The following GALNT10 variants were observed in gnomAD, a reference collection of about 807,000 sequenced individuals.
GALNT10 encodes polypeptide N-acetylgalactosaminyltransferase 10, also known as GalNAc transferase 10.
Under a neutral mutation model 75.0 loss-of-function variants are expected in GALNT10, and 41 were observed. The ratio of observed to expected loss-of-function variants is 0.55; its 90% CI spans 0.43 to 0.71. GALNT10 has a LOEUF of 0.71. GALNT10 is among the 30% of genes least tolerant of loss of function. The pLI, the probability that GALNT10 is intolerant of heterozygous loss-of-function variation, is 0.00. For synonymous variants in GALNT10, 302 were observed against 313.0 expected (o/e 0.96, Z 0.37); for missense variants, 727 against 818.5 (o/e 0.89, Z 1.36).
At chr5:154,241,676 C>G (rs1354963384) in intron 1 of GALNT10, among the ~76,000 whole-genome samples, 1 of 152,144 alleles carries the variant, frequency 6.6e-6, no homozygotes, top group Non-Finnish European at 1.5e-5. Flanking sequence ...TGTGCCTCAT[C>G]ATTTAAAAAT....
intron 1 of GALNT10, among the ~76,000 whole-genome samples, chr5:154,254,511 T>C (rs1298674003): frequency 7.0e-6 from 1 of 142,612 alleles, no homozygotes; most frequent in African/African-American, 2.6e-5. Context: ...ATTTCTTTTC[T>C]TTTTTTTTTT....
chr5:154,364,343 T>A (rs1755442995), intron 4 of GALNT10, among the ~76,000 whole-genome samples: 1 of 152,098 alleles, frequency 6.6e-6, no homozygotes, highest in Non-Finnish European at 1.5e-5. Context: ...GTAGTGTGAA[T>A]GAGATGAGAG....
At chr5:154,343,254 CAA>C (rs1755062761) in intron 4 of GALNT10, among the ~76,000 whole-genome samples, 1 of 151,928 alleles carries the variant, frequency 6.6e-6, no homozygotes, top group South Asian at 2.1e-4. Context: ...TAGAAGCTCT[CAA>C]GAGATATTTG....
intron 3 of GALNT10, among the ~76,000 whole-genome samples, chr5:154,320,298 T>A (rs1228856389): frequency 6.6e-6 from 1 of 152,184 alleles, no homozygotes; most frequent in Non-Finnish European, 1.5e-5. Context: ...AAATTAGAAG[T>A]GAATTTAGTC....
At chr5:154,274,945 C>G (rs1477441342) in intron 1 of GALNT10, among the ~76,000 whole-genome samples, 2 of 152,172 alleles carry the variant, frequency 1.3e-5, no homozygotes, top group African/African-American at 4.8e-5. Context: ...TTACACCTGG[C>G]CACTCCCCCT....
intron 2 of GALNT10, among the ~76,000 whole-genome samples, chr5:154,296,395 C>T (rs929154803): frequency 6.6e-6 from 1 of 152,058 alleles, no homozygotes; most frequent in African/African-American, 2.4e-5. Flanking sequence ...CATGCCCAGC[C>T]GGTGCTGCTT....
rs186666918 is a variant in GALNT10, at chr5:154,368,315, C to T, written c.569-7962C>T. ...TGATTAAACTGGACTGAATTCTCCT[C>T]AGCAGAGATGCTCTCGCTGAGGTTC... On this transcript the variant is annotated intron_variant, in intron 4 of 11. Coordinates refer to ENST00000297107, the MANE Select transcript of GALNT10 (RefSeq NM_198321.4). Among the ~76,000 whole-genome samples the T allele has an allele frequency of 3.1e-3, 474 of 152,360 alleles. 2 individuals are homozygous for T. Among genetic ancestry groups the T allele is most frequent in the African/African-American group, 0.011 (449 of 41,580 alleles).
At chr5:154,252,799 G>A (rs1184286298) in intron 1 of GALNT10, among the ~76,000 whole-genome samples, 1 of 151,618 alleles carries the variant, frequency 6.6e-6, no homozygotes, top group South Asian at 2.1e-4. Context: ...TTATTACCTT[G>A]TTTTGGTTTT....
At position 154,376,778 on chromosome 5, in the gene GALNT10, C is replaced by T. The variant is rs181645508; in HGVS notation, c.754+316C>T. ...ACTTCATTTTATTGCAAAGCAAGCC[C>T]GTGCTGTTTGCTGTTAATAGCCAAA... On this transcript the variant is annotated intron_variant, in intron 5 of 11. Coordinates refer to ENST00000297107, the MANE Select transcript of GALNT10 (RefSeq NM_198321.4). This position sits in a 1 kb window ranked among gnomAD's most constrained non-coding sequence, Gnocchi z 4.1. Among the ~76,000 whole-genome samples the T allele has an allele frequency of 1.3e-5, 2 of 152,232 alleles. No individual in the cohort carries two copies. Among genetic ancestry groups the T allele is most frequent in the African/African-American group, 4.8e-5 (2 of 41,546 alleles).
At chr5:154,347,082 G>T in intron 4 of GALNT10, 1 of 485,922 alleles carries the variant, frequency 2.1e-6, no homozygotes, top group South Asian at 1.5e-5. Flanking sequence ...TATGAGAACA[G>T]TAATAAATGT....
chr5:154,402,056 A>T lies in GALNT10; in HGVS notation c.1057-2048A>T, dbSNP rs565493915. On this transcript the variant is annotated intron_variant, in intron 7 of 11. Coordinates refer to ENST00000297107, the MANE Select transcript of GALNT10 (RefSeq NM_198321.4). This position sits in a 1 kb window ranked among gnomAD's most constrained non-coding sequence, Gnocchi z 4.2. ...ACGACTGCAAGAGCCTCCCGGGCCT[A>T]CTCTCCCTGAGGCCTGCCCCATCAG... Among the ~76,000 whole-genome samples the T allele has an allele frequency of 3.9e-5, 6 of 151,984 alleles. No homozygotes were observed. Among genetic ancestry groups the T allele is most frequent in the African/African-American group, 1.2e-4 (5 of 41,412 alleles).
At chr5:154,199,738 C>A (rs1774997682) in intron 1 of GALNT10, among the ~76,000 whole-genome samples, 1 of 152,034 alleles carries the variant, frequency 6.6e-6, no homozygotes, top group African/African-American at 2.4e-5. Context: ...TTGTGGAGAC[C>A]CTGTAAACCT....
chr5:154,345,034 G>A (rs1203199141), intron 4 of GALNT10, among the ~76,000 whole-genome samples: 2 of 152,196 alleles, frequency 1.3e-5, no homozygotes, highest in African/African-American at 4.8e-5. Context: ...CTGTCCACGT[G>A]CTCAGAAGGC....
intron 4 of GALNT10, among the ~76,000 whole-genome samples, chr5:154,345,902 C>A (rs560418662): frequency 2.0e-5 from 3 of 151,176 alleles, no homozygotes; most frequent in Admixed American, 2.0e-4. Context: ...ACCTCAGCCA[C>A]CCAAAGTGCC....
In GALNT10 at chr5:154,234,237, A is replaced by G. The variant is rs113221567; in HGVS notation, c.159+43212A>G. Among the ~76,000 whole-genome samples, 997 of 152,230 alleles carry G rather than the reference A, an allele frequency of 6.5e-3. 15 individuals are homozygous for G. Among genetic ancestry groups the G allele is most frequent in the African/African-American group, 0.023 (945 of 41,530 alleles). On this transcript the variant is annotated intron_variant, in intron 1 of 11. Transcript: ENST00000297107. ...TATTCTTCTTAAAGAGCCTCTCCTC[A>G]TCCCCACCTGCCAAAGCATCAACAT...
At chr5:154,375,299 C>T (rs1435807786) in intron 4 of GALNT10, among the ~76,000 whole-genome samples, 9 of 152,158 alleles carry the variant, frequency 5.9e-5, no homozygotes, top group Non-Finnish European at 1.0e-4. Context: ...TTCCACATTT[C>T]GTCATTAAAT....
intron 1 of GALNT10, among the ~76,000 whole-genome samples, chr5:154,251,631 A>G (rs750710807): frequency 2.6e-5 from 4 of 152,090 alleles, no homozygotes; most frequent in African/African-American, 9.7e-5. Flanking sequence ...TTCAGTGGGA[A>G]TCTCTTCAAA....
intron 1 of GALNT10, among the ~76,000 whole-genome samples, chr5:154,221,735 A>C (rs1752981796): frequency 6.6e-6 from 1 of 152,206 alleles, no homozygotes; most frequent in Non-Finnish European, 1.5e-5. Flanking sequence ...AACCTCAAAA[A>C]GCCAGTCATC....
chr5:154,321,261 TTTG>T (rs143274976), intron 3 of GALNT10, among the ~76,000 whole-genome samples: 2,880 of 152,256 alleles, frequency 0.019, 89 homozygotes, highest in African/African-American at 0.067. Flanking sequence ...ACAAAGAGAC[TTTG>T]TTGTTACATG....
Sources: allele counts gnomAD v4.1 joint callset (sites outside exome capture counted in the v4.1 genomes callset), GRCh38; gene constraint gnomAD v4.1.1; non-coding constraint Gnocchi (gnomAD v3.1); transcripts MANE v1.5; gene names NCBI Gene and HGNC (gene_info 2026-07-23, HGNC 2026-07-21).